CASK: variants seen among roughly 807,000 people sequenced by gnomAD.
CASK encodes the protein calcium/calmodulin dependent serine protein kinase, also known as peripheral plasma membrane protein CASK.
A neutral mutation model predicts 82.9 loss-of-function variants in CASK; 4 were observed. That is an observed-to-expected ratio of 0.05 (90% CI 0.02 to 0.11). The LOEUF (loss-of-function observed/expected upper bound fraction) is 0.11, where lower values mean the gene tolerates loss of function less well. CASK is among the 10% of genes least tolerant of loss of function. The pLI, the probability that CASK is intolerant of heterozygous loss-of-function variation, is 1.00. For missense variants in CASK, 358 were observed against 720.9 expected, an observed-to-expected ratio of 0.50 and a Z score of 5.76; for synonymous variants, 259 against 253.5, an observed-to-expected ratio of 1.02 and a Z score of -0.20.
chrX:41,516,632 A>G lies in CASK; in HGVS notation c.*3788T>C, dbSNP rs1419317851. 1 of 111,654 alleles carries G rather than the reference A, an allele frequency of 9.0e-6. No individual in the cohort carries two copies. The highest frequency in any genetic ancestry group is 3.3e-5 in the African/African-American group (1 of 30,676). The allele number at this position is 111,654 out of a possible 1,213,427, so 9.2% of individuals were successfully genotyped here. On this transcript the variant is annotated 3_prime_UTR_variant, in exon 27 of 27. Transcript: ENST00000378163. ...AGGATGGAATTAGGAGGCTGTGTTC[A>G]GTTCTGAGAAAACAAGAAACACACA...
At chrX:41,789,952 C>T (rs377210552) in intron 2 of CASK, among the ~76,000 whole-genome samples, 65 of 111,229 alleles carry the variant, frequency 5.8e-4, no homozygotes, top group African/African-American at 2.0e-3. Context: ...TTTTTTGAGA[C>T]AGAGTCTTGC....
intron 5 of CASK, among the ~76,000 whole-genome samples, chrX:41,703,858 C>T (rs762121622): frequency 8.9e-6 from 1 of 112,160 alleles, no homozygotes. Context: ...CTTACCAACA[C>T]TTGGTTTTAT....
At chrX:41,581,381 TA>T (rs1328155723) in intron 14 of CASK, among the ~76,000 whole-genome samples, 46 of 102,230 alleles carry the variant, frequency 4.5e-4, no homozygotes, top group South Asian at 1.7e-3. Context: ...CCCCGTCTCT[TA>T]AAAAAAAAAA....
At chrX:41,668,615 T>C (rs752892763) in intron 6 of CASK, among the ~76,000 whole-genome samples, 1 of 112,153 alleles carries the variant, frequency 8.9e-6, no homozygotes, top group South Asian at 3.7e-4. Context: ...AAATGATTTT[T>C]ACTATATGCA....
At chrX:41,690,054 G>T (rs2067514617) in intron 5 of CASK, among the ~76,000 whole-genome samples, 1 of 110,776 alleles carries the variant, frequency 9.0e-6, no homozygotes, top group Non-Finnish European at 1.9e-5. Flanking sequence ...AATAGGATTT[G>T]CCAAGTAACA....
chrX:41,766,613 G>T (rs768737691), intron 3 of CASK, among the ~76,000 whole-genome samples: 2 of 112,098 alleles, frequency 1.8e-5, no homozygotes, highest in African/African-American at 6.5e-5. Context: ...ATGGCTAGGC[G>T]CACTGGCTCA....
At chrX:41,712,558 G>C (rs1034840318) in intron 5 of CASK, among the ~76,000 whole-genome samples, 1 of 112,496 alleles carries the variant, frequency 8.9e-6, no homozygotes, top group African/African-American at 3.2e-5. Context: ...CCTCTAAACT[G>C]TCCTTGTCCA....
chrX:41,733,463 T>C (rs1464939353), intron 5 of CASK, among the ~76,000 whole-genome samples: 1 of 111,493 alleles, frequency 9.0e-6, no homozygotes, highest in African/African-American at 3.3e-5. Context: ...TAATAAAGAA[T>C]AGTGGCTGGG....
intron 12 of CASK, among the ~76,000 whole-genome samples, chrX:41,604,023 T>C (rs2065927945): frequency 9.0e-6 from 1 of 111,105 alleles, no homozygotes; most frequent in South Asian, 3.8e-4. Context: ...CCTTCCAATG[T>C]ATCACATACA....
At chrX:41,547,096 A>G (rs993277750) in intron 21 of CASK, among the ~76,000 whole-genome samples, 1 of 106,731 alleles carries the variant, frequency 9.4e-6, no homozygotes, top group Non-Finnish European at 1.9e-5. Context: ...ACGCTCAGCT[A>G]ATTTTTTTTG....
intron 16 of CASK, among the ~76,000 whole-genome samples, chrX:41,565,607 C>G (rs1397116254): frequency 9.0e-6 from 1 of 111,087 alleles, no homozygotes; most frequent in Non-Finnish European, 1.9e-5. Flanking sequence ...GCCTACCAAC[C>G]AAAAAAAGTC....
intron 1 of CASK, among the ~76,000 whole-genome samples, chrX:41,889,748 AC>A (rs1291430893): frequency 1.8e-5 from 2 of 111,891 alleles, no homozygotes. Flanking sequence ...TTCATACAGT[AC>A]TTCAAGGCCA....
At chrX:41,572,045 T>A (rs914050673) in intron 15 of CASK, among the ~76,000 whole-genome samples, 23 of 111,063 alleles carry the variant, frequency 2.1e-4, no homozygotes, top group African/African-American at 7.2e-4. Context: ...AGCTACCTTT[T>A]GATTAATGTT....
intron 3 of CASK, among the ~76,000 whole-genome samples, chrX:41,752,064 A>AG (rs1372546801): frequency 9.5e-6 from 1 of 105,566 alleles, no homozygotes; most frequent in Non-Finnish European, 1.9e-5. Context: ...AAAAAAAAAA[A>AG]CACAAAAAAA....
At chrX:41,809,403 C>T (rs1190882448) in intron 2 of CASK, among the ~76,000 whole-genome samples, 2 of 112,148 alleles carry the variant, frequency 1.8e-5, no homozygotes, top group Non-Finnish European at 3.8e-5. Context: ...TCCAGAGGAA[C>T]GATCAGGCAG....
At chrX:41,873,447 A>C (rs999857818) in intron 1 of CASK, among the ~76,000 whole-genome samples, 1 of 111,855 alleles carries the variant, frequency 8.9e-6, no homozygotes, top group Non-Finnish European at 1.9e-5. Flanking sequence ...AAAACAGTAC[A>C]TCTGTTGTGC....
At chrX:41,906,364 C>A (rs1218538370) in intron 1 of CASK, among the ~76,000 whole-genome samples, 1 of 112,222 alleles carries the variant, frequency 8.9e-6, no homozygotes, top group African/African-American at 3.2e-5. Flanking sequence ...ACATGGAGGC[C>A]TTGTTGTAGT....
intron 2 of CASK, among the ~76,000 whole-genome samples, chrX:41,818,111 C>T (rs1294969399): frequency 9.5e-6 from 1 of 105,311 alleles, no homozygotes; most frequent in Non-Finnish European, 1.9e-5. Flanking sequence ...TACCTGTATT[C>T]AACATAATCC....
At chrX:41,713,122 C>T (rs769508284) in intron 5 of CASK, among the ~76,000 whole-genome samples, 6 of 112,015 alleles carry the variant, frequency 5.4e-5, no homozygotes, top group South Asian at 3.7e-4. Flanking sequence ...GTCTAGACAG[C>T]GGGCAAGATG....
Sources: gnomAD v4.1 joint callset for allele counts (sites outside exome capture counted in the v4.1 genomes callset) on GRCh38, gnomAD v4.1.1 for gene constraint, MANE v1.5 for transcripts, NCBI Gene and HGNC (gene_info 2026-07-23, HGNC 2026-07-21) for gene names.